Variants in ABL2 observed in about 807,000 individuals in gnomAD.
ABL2 encodes the protein tyrosine-protein kinase ABL2.
In ABL2, 49 loss-of-function variants were observed where a neutral mutation model predicts 107.7. The observed-to-expected ratio is 0.45, with a 90% CI of 0.36 to 0.58. The LOEUF is 0.58. Ranked by LOEUF, ABL2 falls within the 20% of genes least tolerant of loss-of-function variation. The pLI is 0.00. For synonymous variants in ABL2, 549 were observed against 548.6 expected, an observed-to-expected ratio of 1.00 and a Z score of -0.01; for missense variants, 1,245 against 1,457.0, an observed-to-expected ratio of 0.85 and a Z score of 2.37.
At position 179,126,525 on chromosome 1, in the gene ABL2, C is replaced by T; in HGVS notation, c.539G>A (p.Arg180His). 1 of 1,614,164 alleles carries T rather than the reference C, an allele frequency of 6.2e-7. No homozygotes were observed. Among genetic ancestry groups the T allele is most frequent in the Non-Finnish European group, 8.5e-7 (1 of 1,180,034 alleles). ...GCTGAGCAGATACTCAGCTGCACTG[C>T]GTGACACAGGTCCATGGTACCAGGA... ...KHSWYHGPVS[R>H]SAAEYLLSSL... Residue 180 changes from arginine to histidine, a missense_variant, in exon 4 of 12, where the codon CGC (arginine) becomes CAC (histidine). Around this residue, in one of 3 missense-constraint regions of ABL2, gnomAD observed 320 missense variants for 547.0 expected, o/e 0.59. Coordinates refer to ENST00000502732, the MANE Select transcript of ABL2 (RefSeq NM_007314.4). The surrounding 1 kb of genome is among the most constrained non-coding windows in gnomAD (Gnocchi z 4.4).
chr1:179,174,846 G>T (rs1481066011), intron 1 of ABL2, among the ~76,000 whole-genome samples: 1 of 144,378 alleles, frequency 6.9e-6, no homozygotes, highest in Non-Finnish European at 1.5e-5. Flanking sequence ...AGTGAGGCCA[G>T]ATCGTGCCAC....
rs140519475 is a variant in ABL2 at position 179,158,664 on chromosome 1, C to A, written c.158-25290G>T. On this transcript the variant is annotated intron_variant, in intron 1 of 11. Transcript: ENST00000502732. ...AGAATGAATTTAAGAAAACATAAAG[C>A]CAGACATGGGTAGCGCACACACACA... Among the ~76,000 whole-genome samples, 256 of 152,194 alleles carry A rather than the reference C, an allele frequency of 1.7e-3. 1 individual carries two copies. The highest frequency in any genetic ancestry group is 3.2e-3 in the Non-Finnish European group (220 of 68,002).
At chr1:179,149,372 A>C (rs1476805881) in intron 1 of ABL2, among the ~76,000 whole-genome samples, 1 of 152,264 alleles carries the variant, frequency 6.6e-6, no homozygotes, top group Non-Finnish European at 1.5e-5. Context: ...CCATGTCCTT[A>C]ACATAAAAGT....
At chr1:179,118,175 C>T (rs1572629933) in intron 7 of ABL2, among the ~76,000 whole-genome samples, 3 of 148,768 alleles carry the variant, frequency 2.0e-5, no homozygotes, top group Middle Eastern at 3.2e-3. Context: ...AAAAAAGCCA[C>T]TAGATGGTGA....
At chr1:179,132,523 A>G (rs1656439563) in intron 2 of ABL2, among the ~76,000 whole-genome samples, 1 of 151,430 alleles carries the variant, frequency 6.6e-6, no homozygotes, top group African/African-American at 2.4e-5. Context: ...TATGATTATT[A>G]TGATTATTAT....
chr1:179,169,652 T>C (rs546431657), intron 1 of ABL2, among the ~76,000 whole-genome samples: 1 of 152,272 alleles, frequency 6.6e-6, no homozygotes, highest in South Asian at 2.1e-4. Context: ...TGTTGAATTA[T>C]TTAAGAACAA....
At chr1:179,201,040 T>C (rs539324579) in intron 1 of ABL2, among the ~76,000 whole-genome samples, 2 of 152,190 alleles carry the variant, frequency 1.3e-5, no homozygotes, top group Non-Finnish European at 2.9e-5. Flanking sequence ...ATAAACCACA[T>C]TGTTTATACA....
Position 179,126,614 on chromosome 1 carries a change from A to G in ABL2, c.450T>C (p.Ser150=). 2 of 1,614,198 alleles carry G rather than the reference A, an allele frequency of 1.2e-6. No homozygotes were observed. The highest frequency in any genetic ancestry group is 1.7e-6 in the Non-Finnish European group (2 of 1,180,048). The change falls in exon 4 of 12, where the codon TCT becomes TCC. Residue 150 remains serine (S), a synonymous_variant. Coordinates refer to ENST00000502732, the MANE Select transcript of ABL2 (RefSeq NM_007314.4). This position sits in a 1 kb window ranked among gnomAD's most constrained non-coding sequence, Gnocchi z 4.4. The part of the protein sequence containing the change: ...NQNGEWSEVR[S]KNGQGWVPSN... ...TTGGCACCCAGCCCTGCCCATTCTTAGAGCGAACTTCACTCCACTCACCAT... is the reference window on the plus strand; with the variant it reads ...TTGGCACCCAGCCCTGCCCATTCTTGGAGCGAACTTCACTCCACTCACCAT...
chr1:179,114,315 T>C (rs1332335269), intron 9 of ABL2, among the ~76,000 whole-genome samples: 1 of 151,380 alleles, frequency 6.6e-6, no homozygotes, highest in Non-Finnish European at 1.5e-5. Flanking sequence ...GGCTGAGGCA[T>C]GAGAATCACT....
At position 179,129,843 on chromosome 1, in the gene ABL2, T is replaced by C. The variant is rs915218593; in HGVS notation, c.391+1468A>G. On this transcript the variant is annotated intron_variant, in intron 3 of 11. Transcript: ENST00000502732. ...AGGAAGTAAAACTGACACTAGGAGA[T>C]GATGCACTTTTACTTTCACTTTTAA... 1.3e-5 allele frequency among the ~76,000 whole-genome samples: 2 copies of C among 152,282 alleles called. 1 individual carries two copies. Among genetic ancestry groups the C allele is most frequent in the South Asian group, 4.1e-4 (2 of 4,830 alleles).
rs1297388284 is a variant in ABL2 at position 179,186,279 on chromosome 1, CAA to C, written c.157+42960_157+42961del. ...ATTGGCAATGCCCTCTTCTGGGCTA[CAA>C]CTACTTAATGAGTAATGTATACTAG... On this transcript the variant is annotated intron_variant, in intron 1 of 11. Coordinates refer to ENST00000502732, the MANE Select transcript of ABL2 (RefSeq NM_007314.4). 2.6e-5 allele frequency among the ~76,000 whole-genome samples: 4 copies of C among 152,208 alleles called. No homozygotes were observed. The East Asian group carries it at 7.7e-4, about 29-fold the overall frequency.
intron 10 of ABL2, 174 bp from the exon 11 acceptor site, chr1:179,110,629 T>C: frequency 6.6e-7 from 1 of 1,522,958 alleles, no homozygotes; most frequent in African/African-American, 1.4e-5. Flanking sequence ...CAGTATCATG[T>C]GTGTAGATTC....
chr1:179,155,362 T>G (rs1337062809), intron 1 of ABL2, among the ~76,000 whole-genome samples: 1 of 152,152 alleles, frequency 6.6e-6, no homozygotes, highest in Non-Finnish European at 1.5e-5. Context: ...TGTCTGCCAT[T>G]TACTCCCAGC....
intron 1 of ABL2, among the ~76,000 whole-genome samples, chr1:179,222,804 T>TAAC (rs1251290091): frequency 1.3e-5 from 2 of 151,210 alleles, no homozygotes; most frequent in Non-Finnish European, 2.9e-5. Context: ...ACCTTTAAAA[T>TAAC]AACAACAACA....
chr1:179,227,503 C>T (rs1663282972), intron 1 of ABL2, among the ~76,000 whole-genome samples: 1 of 152,148 alleles, frequency 6.6e-6, no homozygotes, highest in African/African-American at 2.4e-5. Flanking sequence ...TTCTTCATGA[C>T]TTCCTCTTTC....
rs1489091180 is a variant in ABL2 at position 179,108,610 on chromosome 1, G to T, written c.2657C>A (p.Ala886Asp). 6.2e-7 allele frequency: 1 copy of T among 1,613,900 alleles called. No homozygotes were observed. The highest frequency in any genetic ancestry group is 8.5e-7 in the Non-Finnish European group (1 of 1,179,914). Reference sequence around the variant, plus strand: ...ATTCTTCTCTTTACCCTTGGGGGCAGCTGCCACTCCAGCCACTCCCACCCC... The same window carrying T: ...ATTCTTCTCTTTACCCTTGGGGGCATCTGCCACTCCAGCCACTCCCACCCC... ...PPGVGVAGVAAAPKGKEKNGG... is the reference protein window; with the variant it reads ...PPGVGVAGVADAPKGKEKNGG... Residue 886 changes from alanine (A) to aspartate (D), a missense_variant, in exon 12 of 12, where the codon GCT (alanine) becomes GAT (aspartate). By Grantham distance (126) the Ala-to-Asp change is moderately radical (BLOSUM62 -2). Transcript: ENST00000502732.
At chr1:179,143,034 C>T (rs745638514) in intron 1 of ABL2, 2 of 1,613,890 alleles carry the variant, frequency 1.2e-6, no homozygotes, top group East Asian at 2.2e-5. Flanking sequence ...GAGAACTGTC[C>T]CAAGGACCAT....
At chr1:179,175,159 C>A (rs1659974260) in intron 1 of ABL2, among the ~76,000 whole-genome samples, 1 of 152,108 alleles carries the variant, frequency 6.6e-6, no homozygotes, top group Non-Finnish European at 1.5e-5. Context: ...ACTAGGATTA[C>A]AGGCATGAGC....
chr1:179,134,902 G>GT (rs1327492175), intron 1 of ABL2, among the ~76,000 whole-genome samples: 1 of 152,224 alleles, frequency 6.6e-6, no homozygotes, highest in East Asian at 1.9e-4. Flanking sequence ...ACTGGTTTTC[G>GT]TATTTTTTTG....
Sources: gnomAD v4.1 joint callset for allele counts (sites outside exome capture counted in the v4.1 genomes callset) on GRCh38, gnomAD v4.1.1 for gene constraint, gnomAD v4.1.1 regional missense constraint, Gnocchi (gnomAD v3.1) non-coding constraint, MANE v1.5 for transcripts, NCBI Gene and HGNC (gene_info 2026-07-23, HGNC 2026-07-21) for gene names.